Variants in CACNA2D3 observed in about 807,000 individuals in gnomAD.
The protein encoded by CACNA2D3 is calcium voltage-gated channel auxiliary subunit alpha2delta 3, also known as voltage-dependent calcium channel subunit alpha-2/delta-3.
A neutral mutation model predicts 160.6 loss-of-function variants in CACNA2D3; 60 were observed. The observed-to-expected ratio is 0.37, with a 90% CI of 0.30 to 0.46. CACNA2D3 has a LOEUF of 0.46. CACNA2D3 is among the 20% of genes least tolerant of loss of function. The pLI, the probability that CACNA2D3 is intolerant of heterozygous loss-of-function variation, is 1.00. For synonymous variants in CACNA2D3, 558 were observed against 492.9 expected, an observed-to-expected ratio of 1.13 and a Z score of -1.75; for missense variants, 1,205 against 1,365.0, an observed-to-expected ratio of 0.88 and a Z score of 1.85.
chr3:54,796,018 T>C (rs547571265), intron 13 of CACNA2D3, among the ~76,000 whole-genome samples: 1 of 152,286 alleles, frequency 6.6e-6, no homozygotes, highest in East Asian at 1.9e-4. Flanking sequence ...TCCCAGCATA[T>C]TAACAGACCT....
At chr3:54,364,783 C>A (rs535389352) in intron 3 of CACNA2D3, among the ~76,000 whole-genome samples, 1 of 152,082 alleles carries the variant, frequency 6.6e-6, no homozygotes, top group South Asian at 2.1e-4. Flanking sequence ...TGCAAAGAAG[C>A]GGAAAGAGGA....
chr3:55,021,713 G>GTA (rs1474697460), intron 35 of CACNA2D3, among the ~76,000 whole-genome samples: 1 of 137,142 alleles, frequency 7.3e-6, no homozygotes, highest in African/African-American at 3.3e-5. Context: ...ATATATGTGT[G>GTA]TGTATATATA....
chr3:54,649,603 A>T (rs1002479849), intron 11 of CACNA2D3, among the ~76,000 whole-genome samples: 1 of 152,184 alleles, frequency 6.6e-6, no homozygotes, highest in African/African-American at 2.4e-5. Context: ...TTGGGTTGTA[A>T]ACTGCTGCCT....
intron 33 of CACNA2D3, 120 bp from the exon 34 acceptor site, chr3:55,009,268 A>G (rs1703160515): frequency 1.2e-6 from 1 of 830,116 alleles, no homozygotes; most frequent in Non-Finnish European, 2.0e-6. Context: ...CTGTGTTGAT[A>G]TCTCCAAATT....
chr3:54,305,024 A>G (rs1703566513), intron 2 of CACNA2D3, among the ~76,000 whole-genome samples: 3 of 152,176 alleles, frequency 2.0e-5, no homozygotes, highest in African/African-American at 7.2e-5. Flanking sequence ...ACAGTTGCAT[A>G]GACATTGATT....
At chr3:54,914,328 C>T (rs1254982090) in intron 27 of CACNA2D3, among the ~76,000 whole-genome samples, 1 of 152,136 alleles carries the variant, frequency 6.6e-6, no homozygotes, top group Non-Finnish European at 1.5e-5. Flanking sequence ...ATAACTTTGT[C>T]ATGATCTATT....
intron 11 of CACNA2D3, among the ~76,000 whole-genome samples, chr3:54,682,698 TTAAA>T (rs1455881769): frequency 6.6e-6 from 1 of 152,206 alleles, no homozygotes; most frequent in African/African-American, 2.4e-5. Flanking sequence ...AGAATGGCCT[TTAAA>T]TATACTCTAT....
At chr3:54,434,128 G>C (rs2106779786) in intron 4 of CACNA2D3, among the ~76,000 whole-genome samples, 1 of 152,298 alleles carries the variant, frequency 6.6e-6, no homozygotes, top group East Asian at 1.9e-4. Flanking sequence ...CTGTTCCCCT[G>C]TCAGAGTACT....
intron 11 of CACNA2D3, among the ~76,000 whole-genome samples, chr3:54,697,901 A>G (rs1700693029): frequency 6.6e-6 from 1 of 152,072 alleles, no homozygotes; most frequent in Non-Finnish European, 1.5e-5. Flanking sequence ...TTCCAGTCTC[A>G]TTTCACTTGT....
intron 2 of CACNA2D3, among the ~76,000 whole-genome samples, chr3:54,312,253 G>A (rs184243198): frequency 1.3e-5 from 2 of 152,290 alleles, no homozygotes; most frequent in Non-Finnish European, 2.9e-5. Flanking sequence ...TCCTCATGCA[G>A]TGATTTAATT....
chr3:54,504,835 G>A (rs1316736419), intron 5 of CACNA2D3, among the ~76,000 whole-genome samples: 1 of 152,160 alleles, frequency 6.6e-6, no homozygotes, highest in South Asian at 2.1e-4. Context: ...TGTGAAATAG[G>A]GATAATGATG....
intron 4 of CACNA2D3, among the ~76,000 whole-genome samples, chr3:54,401,506 A>T (rs1392484161): frequency 6.6e-6 from 1 of 152,234 alleles, no homozygotes; most frequent in Non-Finnish European, 1.5e-5. Flanking sequence ...ACAAGAGAAA[A>T]GTGTCAGGTC....
At chr3:54,715,527 G>A (rs1323747190) in intron 11 of CACNA2D3, among the ~76,000 whole-genome samples, 2 of 152,038 alleles carry the variant, frequency 1.3e-5, no homozygotes, top group African/African-American at 4.8e-5. Context: ...GCAGGGGGAG[G>A]TAGAGAGGAG....
At chr3:54,803,226 T>C (rs913725896) in intron 13 of CACNA2D3, among the ~76,000 whole-genome samples, 1 of 151,796 alleles carries the variant, frequency 6.6e-6, no homozygotes, top group Non-Finnish European at 1.5e-5. Flanking sequence ...CTTTGACGAG[T>C]TGAGGGAAGA....
chr3:54,504,847 T>G (rs1701344488), intron 5 of CACNA2D3, among the ~76,000 whole-genome samples: 1 of 152,220 alleles, frequency 6.6e-6, no homozygotes, highest in Admixed American at 6.5e-5. Flanking sequence ...ATAATGATGC[T>G]GCCTCCGTCA....
chr3:54,299,962 A>G (rs1167138825), intron 2 of CACNA2D3, among the ~76,000 whole-genome samples: 1 of 152,174 alleles, frequency 6.6e-6, no homozygotes, highest in Non-Finnish European at 1.5e-5. Context: ...ACCCCCTAAC[A>G]ATGCTGTCCG....
At chr3:54,675,837 T>A (rs566903034) in intron 11 of CACNA2D3, among the ~76,000 whole-genome samples, 218 of 152,276 alleles carry the variant, frequency 1.4e-3, no homozygotes, top group African/African-American at 5.0e-3. Flanking sequence ...CCTGTTCAGC[T>A]TTGTTTGCCT....
intron 3 of CACNA2D3, among the ~76,000 whole-genome samples, chr3:54,333,854 TGTTA>T (rs1320891098): frequency 6.6e-6 from 1 of 152,218 alleles, no homozygotes; most frequent in African/African-American, 2.4e-5. Flanking sequence ...GAACGTCACC[TGTTA>T]GTTCTCCAAG....
At chr3:54,545,108 A>G (rs932129713) in intron 5 of CACNA2D3, among the ~76,000 whole-genome samples, 2 of 152,238 alleles carry the variant, frequency 1.3e-5, no homozygotes, top group African/African-American at 4.8e-5. Flanking sequence ...CCAAACTAAC[A>G]AACTGATAAA....
Sources: allele counts gnomAD v4.1 joint callset (sites outside exome capture counted in the v4.1 genomes callset), GRCh38; gene constraint gnomAD v4.1.1; transcripts MANE v1.5; gene names NCBI Gene and HGNC (gene_info 2026-07-23, HGNC 2026-07-21).